RRBP1: variants seen among roughly 807,000 people sequenced by gnomAD.
The protein encoded by RRBP1 is ribosome binding protein 1.
A neutral mutation model predicts 165.2 loss-of-function variants in RRBP1; 94 were observed. That is an observed-to-expected ratio of 0.57 (90% confidence interval 0.48 to 0.68). RRBP1 has a LOEUF of 0.68. RRBP1 is among the 30% of genes least tolerant of loss of function. The pLI is 0.00. For synonymous variants in RRBP1, 680 were observed against 714.5 expected (o/e 0.95, Z 0.77); for missense variants, 1,676 against 1,763.0 (o/e 0.95, Z 0.88).
At chr20:17,620,828 G>C in intron 16 of RRBP1, 21 bp from the exon 17 acceptor site, 2 of 1,575,934 alleles carry the variant, frequency 1.3e-6, no homozygotes, top group Non-Finnish European at 1.7e-6. Context: ...ACCGAGGTGA[G>C]GCAGGGCCCT....
intron 2 of RRBP1, among the ~76,000 whole-genome samples, chr20:17,677,339 A>G (rs2037102332): frequency 6.6e-6 from 1 of 152,242 alleles, no homozygotes; most frequent in African/African-American, 2.4e-5. Context: ...CATTATCACT[A>G]TAAATAGTCT....
intron 9 of RRBP1, among the ~76,000 whole-genome samples, chr20:17,627,900 C>T (rs1873098433): frequency 1.3e-5 from 2 of 152,214 alleles, no homozygotes; most frequent in South Asian, 4.1e-4. Context: ...TGAGAACCGT[C>T]AGGGTAGAAT....
intron 3 of RRBP1, among the ~76,000 whole-genome samples, chr20:17,645,270 C>T (rs371568492): frequency 6.6e-6 from 1 of 152,278 alleles, no homozygotes; most frequent in Non-Finnish European, 1.5e-5. Context: ...GCCGCAGGCT[C>T]AGTCCACAGA....
intron 2 of RRBP1, among the ~76,000 whole-genome samples, chr20:17,669,460 C>T (rs1277068883): frequency 1.3e-5 from 2 of 152,316 alleles, no homozygotes; most frequent in South Asian, 2.1e-4. Flanking sequence ...GTTCTTACTG[C>T]CGTAAACATT....
At chr20:17,634,136 G>A (rs1302995762) in intron 7 of RRBP1, among the ~76,000 whole-genome samples, 3 of 152,254 alleles carry the variant, frequency 2.0e-5, no homozygotes, top group Non-Finnish European at 2.9e-5. Flanking sequence ...ATGTTCCGGA[G>A]TTACAGAAGG....
At chr20:17,652,664 C>G (rs1164026827) in intron 3 of RRBP1, among the ~76,000 whole-genome samples, 1 of 152,136 alleles carries the variant, frequency 6.6e-6, no homozygotes, top group African/African-American at 2.4e-5. Context: ...ACACATGACC[C>G]CCAGAGAAGC....
At chr20:17,647,301 T>C (rs536698479) in intron 3 of RRBP1, among the ~76,000 whole-genome samples, 12 of 152,318 alleles carry the variant, frequency 7.9e-5, no homozygotes, top group African/African-American at 2.4e-4. Flanking sequence ...TGGAGAACAA[T>C]TGTGGCAGCA....
intron 20 of RRBP1, among the ~76,000 whole-genome samples, chr20:17,618,005 G>A (rs1215688236): frequency 6.6e-6 from 1 of 152,216 alleles, no homozygotes; most frequent in Admixed American, 6.5e-5. Flanking sequence ...AACACCAGGA[G>A]GGACTCAAGA....
At chr20:17,651,896 G>C (rs186872098) in intron 3 of RRBP1, among the ~76,000 whole-genome samples, 2 of 152,342 alleles carry the variant, frequency 1.3e-5, no homozygotes, top group Admixed American at 1.3e-4. Flanking sequence ...AGAAGTTCTG[G>C]AAGAGCTCCA....
chr20:17,653,643 T>C (rs2036597190), intron 3 of RRBP1, among the ~76,000 whole-genome samples: 1 of 152,016 alleles, frequency 6.6e-6, no homozygotes, highest in Non-Finnish European at 1.5e-5. Flanking sequence ...CAAGACCAGC[T>C]GCCAACATGG....
intron 7 of RRBP1, among the ~76,000 whole-genome samples, chr20:17,634,511 G>A (rs1946671671): frequency 6.6e-6 from 1 of 152,198 alleles, no homozygotes; most frequent in Non-Finnish European, 1.5e-5. Flanking sequence ...AAGGTCGTGT[G>A]GTGCCCTCAA....
At chr20:17,618,739 C>T (rs532419404) in intron 19 of RRBP1, 60 bp from the exon 20 acceptor site, 11 of 1,321,882 alleles carry the variant, frequency 8.3e-6, no homozygotes, top group Non-Finnish European at 1.2e-5. Flanking sequence ...GAAAACCAGT[C>T]CCCGTGAGTT....
At chr20:17,646,795 C>T (rs1305546600) in intron 3 of RRBP1, among the ~76,000 whole-genome samples, 1 of 152,176 alleles carries the variant, frequency 6.6e-6, no homozygotes, top group African/African-American at 2.4e-5. Context: ...TCAACTGTGG[C>T]GTCCTTGGAT....
At chr20:17,624,391 T>C (rs1338319899) in intron 13 of RRBP1, among the ~76,000 whole-genome samples, 185 bp downstream of exon 13, 1 of 152,220 alleles carries the variant, frequency 6.6e-6, no homozygotes, top group Non-Finnish European at 1.5e-5. Context: ...CTAGTGCGTC[T>C]GTGCGTACTA....
chr20:17,660,421 C>T lies in RRBP1; in HGVS notation c.87G>A (p.Ser29=), dbSNP rs751574084. The T allele has an allele frequency of 2.5e-5, 41 of 1,613,958 alleles. No homozygotes were observed. The highest frequency in any genetic ancestry group is 2.0e-4 in the South Asian group (18 of 91,066). Residue 29 remains serine, a synonymous_variant, in exon 3 of 25, where the codon TCG becomes TCA. Transcript: ENST00000377813. ...VVSAIGIFLV[S]TFSMKETSYE... is the part of the protein sequence containing the mutation. ...ATGACGTTTCCTTCATGGAGAAAGTCGACACCAGGAAGATGCCAATGGCAG... is the reference window on the plus strand; with the variant it reads ...ATGACGTTTCCTTCATGGAGAAAGTTGACACCAGGAAGATGCCAATGGCAG...
In RRBP1 at chr20:17,659,565, C is replaced by A. The variant is rs1289892646; in HGVS notation, c.943G>T (p.Ala315Ser). 1.3e-6 allele frequency: 2 copies of A among 1,549,296 alleles called. No individual in the cohort carries two copies. Among genetic ancestry groups the A allele is most frequent in the East Asian group, 2.5e-5 (1 of 40,752 alleles). ...TCTCCCTTTTTGCCCTGATTCTGGG[C>A]CCCCTCTGCCTTTTTGCCCTGGTTC... ...AQNQGKKAEGAQNQGKKGEGA... is the reference protein window; with the variant it reads ...AQNQGKKAEGSQNQGKKGEGA... The change falls in exon 3 of 25, where the codon GCC (alanine) becomes TCC (serine). Residue 315 changes from alanine to serine, a missense_variant. Physicochemically the swap from Ala to Ser is moderately conservative, Grantham distance 99. This residue lies in a region of RRBP1 where 78 missense variants were observed against 115.6 expected (regional missense o/e 0.67). Coordinates refer to ENST00000377813, the MANE Select transcript of RRBP1 (RefSeq NM_001365613.2).
rs117554793 is a variant in RRBP1 at position 17,647,143 on chromosome 20, G to T, written c.1913-4016C>A. 6.6e-3 allele frequency among the ~76,000 whole-genome samples: 1,003 copies of T among 152,368 alleles called. 9 individuals are homozygous for T. The highest frequency in any genetic ancestry group is 0.01 in the Non-Finnish European group (709 of 68,042). ...CCCTGATCAGGGCAGGCAGGGCCAG[G>T]TGGTCTCTAGACACAAAGTATGTAC... On this transcript the variant is annotated intron_variant, in intron 3 of 24. Transcript: ENST00000377813.
chr20:17,654,448 T>C (rs2122422738), intron 3 of RRBP1, among the ~76,000 whole-genome samples: 1 of 152,360 alleles, frequency 6.6e-6, no homozygotes, highest in East Asian at 1.9e-4. Context: ...GCACTACTGA[T>C]TCTGTGGAAA....
At chr20:17,656,054 C>T (rs978641218) in intron 3 of RRBP1, among the ~76,000 whole-genome samples, 2 of 152,224 alleles carry the variant, frequency 1.3e-5, no homozygotes, top group Admixed American at 1.3e-4. Context: ...TCTCCAGGAT[C>T]CTCACGGTGT....
Sources: gnomAD v4.1 joint callset for allele counts (sites outside exome capture counted in the v4.1 genomes callset) on GRCh38, gnomAD v4.1.1 for gene constraint, gnomAD v4.1.1 regional missense constraint, MANE v1.5 for transcripts, NCBI Gene and HGNC (gene_info 2026-07-23, HGNC 2026-07-21) for gene names.